The following ZCWPW2 variants were observed in gnomAD, a reference collection of about 807,000 sequenced individuals.
ZCWPW2 encodes zinc finger CW-type PWWP domain protein 2.
In ZCWPW2, 45 loss-of-function variants were observed where a neutral mutation model predicts 46.6. The observed-to-expected ratio is 0.96, with a 90% CI of 0.76 to 1.24. ZCWPW2 has a LOEUF of 1.24. Ranked by LOEUF, ZCWPW2 falls within the 50% of genes most tolerant of loss-of-function variation. The probability of loss-of-function intolerance (pLI) is 0.00; values close to 1 mark genes in which losing one functional copy is unlikely to be tolerated. For missense variants in ZCWPW2, 429 were observed against 403.9 expected (o/e 1.06, Z -0.53); for synonymous variants, 152 against 137.1 (o/e 1.11, Z -0.76).
At chr3:28,507,131 G>A (rs1050303668) in intron 6 of ZCWPW2, among the ~76,000 whole-genome samples, 1 of 152,116 alleles carries the variant, frequency 6.6e-6, no homozygotes, top group African/African-American at 2.4e-5. Flanking sequence ...ACCAAATGCT[G>A]TGCTCTTCTC....
chr3:28,461,271 C>T (rs1420592585), intron 4 of ZCWPW2, among the ~76,000 whole-genome samples: 1 of 152,002 alleles, frequency 6.6e-6, no homozygotes, highest in African/African-American at 2.4e-5. Flanking sequence ...CTCCCACCCC[C>T]CAGATTGGTC....
chr3:28,442,322 T>C (rs979243298), intron 4 of ZCWPW2, among the ~76,000 whole-genome samples: 18 of 152,344 alleles, frequency 1.2e-4, no homozygotes, highest in Non-Finnish European at 2.5e-4. Flanking sequence ...GAAATTTTGC[T>C]GAGGTAGAAG....
intron 2 of ZCWPW2, among the ~76,000 whole-genome samples, chr3:28,396,948 G>T (rs1695725198): frequency 6.6e-6 from 1 of 152,082 alleles, no homozygotes; most frequent in Non-Finnish European, 1.5e-5. Flanking sequence ...GGCCAACATG[G>T]CAAAACTCCG....
intron 4 of ZCWPW2, among the ~76,000 whole-genome samples, chr3:28,476,562 A>C (rs1006647374): frequency 1.3e-5 from 2 of 152,154 alleles, no homozygotes; most frequent in Non-Finnish European, 2.9e-5. Context: ...GCAGTCTCCA[A>C]CCTTTTTGGT....
At chr3:28,448,287 C>T (rs1698074474) in intron 4 of ZCWPW2, among the ~76,000 whole-genome samples, 1 of 151,982 alleles carries the variant, frequency 6.6e-6, no homozygotes, top group Admixed American at 6.5e-5. Context: ...AGTTGCATTT[C>T]CATACACTAA....
intron 2 of ZCWPW2, among the ~76,000 whole-genome samples, chr3:28,399,943 C>A (rs1163518207): frequency 2.6e-5 from 4 of 151,820 alleles, no homozygotes; most frequent in Admixed American, 6.6e-5. Context: ...CTCTGATTTA[C>A]CTGAAAAAGA....
chr3:28,384,238 T>G (rs2125712686), intron 1 of ZCWPW2, among the ~76,000 whole-genome samples: 1 of 152,264 alleles, frequency 6.6e-6, no homozygotes, highest in Admixed American at 6.5e-5. Context: ...ATGGAATATG[T>G]TATATGTATT....
At chr3:28,423,834 T>TTCC (rs1389288038) in intron 3 of ZCWPW2, among the ~76,000 whole-genome samples, 2 of 152,056 alleles carry the variant, frequency 1.3e-5, no homozygotes, top group East Asian at 1.9e-4. Context: ...GAAGTCCTCA[T>TTCC]TCCTCCTCCT....
chr3:28,442,421 A>C (rs1363897079), intron 4 of ZCWPW2, among the ~76,000 whole-genome samples: 1 of 152,186 alleles, frequency 6.6e-6, no homozygotes, highest in Non-Finnish European at 1.5e-5. Context: ...CTTCTTGCTC[A>C]CTGGATCCAG....
intron 6 of ZCWPW2, among the ~76,000 whole-genome samples, chr3:28,512,246 C>T (rs570317888): frequency 7.2e-5 from 11 of 151,976 alleles, no homozygotes; most frequent in African/African-American, 2.4e-4. Context: ...GGTACAATCT[C>T]AACTCACTGC....
intron 7 of ZCWPW2, among the ~76,000 whole-genome samples, chr3:28,514,875 A>G (rs1205275912): frequency 6.6e-6 from 1 of 152,140 alleles, no homozygotes; most frequent in Non-Finnish European, 1.5e-5. Context: ...GAGGGGTCCT[A>G]CTCAAAAACA....
At chr3:28,489,230 T>C (rs188767766) in intron 5 of ZCWPW2, among the ~76,000 whole-genome samples, 3 of 152,274 alleles carry the variant, frequency 2.0e-5, no homozygotes, top group African/African-American at 7.2e-5. Context: ...AATTTTAGTT[T>C]TTGAGTTTCT....
intron 5 of ZCWPW2, among the ~76,000 whole-genome samples, chr3:28,485,085 T>C (rs1480959877): frequency 2.6e-5 from 4 of 152,046 alleles, no homozygotes; most frequent in Admixed American, 1.3e-4. Flanking sequence ...CCATGATTGA[T>C]AAGTTGCACT....
rs180691180 is a variant in ZCWPW2, at chr3:28,368,744, C to T, written c.-134+19541C>T. Among the ~76,000 whole-genome samples, 46 of 152,258 alleles carry T rather than the reference C, an allele frequency of 3.0e-4. No homozygotes were observed. In the East Asian group the frequency reaches 3.9e-3, roughly 13 times the overall value. The stretch of plus-strand genomic sequence containing the variant: ...GGGGAAGTTCTCCTGGATAATATCC[C>T]GCAGAGTGTTTTCCAACTTGGTTCC... On this transcript the variant is annotated intron_variant, in intron 1 of 9. Coordinates refer to ENST00000383768, the MANE Select transcript of ZCWPW2 (RefSeq NM_001040432.4).
chr3:28,372,786 T>A (rs768099801), intron 1 of ZCWPW2, among the ~76,000 whole-genome samples: 2 of 152,136 alleles, frequency 1.3e-5, no homozygotes, highest in Admixed American at 6.6e-5. Flanking sequence ...TACCTCTCCG[T>A]ATTTAAAGTC....
chr3:28,506,643 G>T (rs1700286134), intron 6 of ZCWPW2, among the ~76,000 whole-genome samples: 2 of 151,994 alleles, frequency 1.3e-5, no homozygotes, highest in South Asian at 2.1e-4. Flanking sequence ...GATCATCTTG[G>T]AGATGGTCCC....
At chr3:28,412,291 A>G (rs1299761156) in intron 2 of ZCWPW2, among the ~76,000 whole-genome samples, 5 of 151,830 alleles carry the variant, frequency 3.3e-5, no homozygotes, top group Non-Finnish European at 5.9e-5. Context: ...CAAACTTTTT[A>G]TATGTTTAAA....
chr3:28,427,219 G>T (rs1235142605), intron 3 of ZCWPW2, among the ~76,000 whole-genome samples: 6 of 152,126 alleles, frequency 3.9e-5, no homozygotes, highest in Non-Finnish European at 8.8e-5. Context: ...CGAGTAAAAG[G>T]AAAAATAGAG....
At chr3:28,445,922 C>A (rs2125774378) in intron 4 of ZCWPW2, among the ~76,000 whole-genome samples, 1 of 151,930 alleles carries the variant, frequency 6.6e-6, no homozygotes, top group African/African-American at 2.4e-5. Flanking sequence ...ATAAATGTTA[C>A]AAGAAACAAA....
Sources: gnomAD v4.1 joint callset for allele counts (sites outside exome capture counted in the v4.1 genomes callset) on GRCh38, gnomAD v4.1.1 for gene constraint, MANE v1.5 for transcripts, NCBI Gene and HGNC (gene_info 2026-07-23, HGNC 2026-07-21) for gene names.